The following CTNNA2 variants were observed in gnomAD, a reference collection of about 807,000 sequenced individuals.
CTNNA2 encodes the protein catenin alpha 2, also known as catenin alpha-2.
Under a neutral mutation model 101.0 loss-of-function variants are expected in CTNNA2, and 42 were observed. The ratio of observed to expected loss-of-function variants is 0.42; its 90% CI spans 0.32 to 0.54. The LOEUF is 0.54. Ranked by LOEUF, CTNNA2 falls within the 20% of genes least tolerant of loss-of-function variation. CTNNA2 has a pLI of 0.14. For synonymous variants in CTNNA2, 450 were observed against 456.4 expected, an observed-to-expected ratio of 0.99 and a Z score of 0.18; for missense variants, 871 against 1,223.1, an observed-to-expected ratio of 0.71 and a Z score of 4.29.
intron 3 of CTNNA2, among the ~76,000 whole-genome samples, chr2:79,853,937 G>A (rs1038298529): frequency 7.2e-6 from 1 of 139,676 alleles, no homozygotes; most frequent in African/African-American, 2.6e-5. Context: ...CAAAGTGCTG[G>A]GATTACAGGT....
intron 7 of CTNNA2, among the ~76,000 whole-genome samples, chr2:80,389,062 T>C (rs1244611132): frequency 6.6e-6 from 1 of 152,184 alleles, no homozygotes; most frequent in African/African-American, 2.4e-5. Context: ...GGGATACCAG[T>C]TTTTGGCAAG....
At chr2:79,626,471 A>C (rs532493061) in intron 1 of CTNNA2, among the ~76,000 whole-genome samples, 1 of 152,320 alleles carries the variant, frequency 6.6e-6, no homozygotes, top group East Asian at 1.9e-4. Context: ...CTCTGATAGT[A>C]AAGCCTTTCC....
At chr2:80,359,175 A>G (rs1330634871) in intron 7 of CTNNA2, among the ~76,000 whole-genome samples, 4 of 152,152 alleles carry the variant, frequency 2.6e-5, no homozygotes, top group Non-Finnish European at 5.9e-5. Context: ...CAGGAGTTCA[A>G]GACCAGCCTG....
intron 2 of CTNNA2, among the ~76,000 whole-genome samples, chr2:79,665,023 T>C (rs998915201): frequency 2.6e-5 from 4 of 152,162 alleles, no homozygotes; most frequent in African/African-American, 9.7e-5. Flanking sequence ...CATTCTTCTT[T>C]AAGATTTTTC....
At chr2:79,938,017 A>G (rs1284378064) in intron 7 of CTNNA2, among the ~76,000 whole-genome samples, 1 of 152,148 alleles carries the variant, frequency 6.6e-6, no homozygotes, top group Non-Finnish European at 1.5e-5. Context: ...CTCAGATTTG[A>G]TTGGTATGAC....
chr2:79,650,633 A>T (rs1304001734), intron 1 of CTNNA2, among the ~76,000 whole-genome samples: 35 of 146,436 alleles, frequency 2.4e-4, no homozygotes, highest in South Asian at 2.2e-3. Context: ...TTTTTTTTTT[A>T]AATGTATTTA....
In CTNNA2 at chr2:80,419,500, G is replaced by T. The variant is rs1382927367; in HGVS notation, c.1189G>T (p.Val397Phe). ...ATCTGACTCTTTCCTGGAAACCAAT[G>T]TTCCTTTGCTAGTTCTCATTGAGGC... The part of the protein sequence containing the change: ...HISDSFLETN[V>F]PLLVLIEAAK... The change falls in exon 9 of 19, where the codon GTT (valine) becomes TTT (phenylalanine). Residue 397 changes from valine (V) to phenylalanine (F), a missense_variant. Physicochemically the swap from Val to Phe is conservative, Grantham distance 50. Coordinates refer to ENST00000402739, the MANE Select transcript of CTNNA2 (RefSeq NM_001282597.3). 6.2e-7 allele frequency: 1 copy of T among 1,613,530 alleles called. No homozygotes were observed. Among genetic ancestry groups the T allele is most frequent in the South Asian group, 1.1e-5 (1 of 91,048 alleles).
At chr2:79,938,070 C>T (rs969827560) in intron 7 of CTNNA2, among the ~76,000 whole-genome samples, 1 of 152,088 alleles carries the variant, frequency 6.6e-6, no homozygotes, top group Non-Finnish European at 1.5e-5. Flanking sequence ...TTAGAAAACA[C>T]ATGGAAAAAA....
At chr2:80,555,915 G>C (rs1692990489) in intron 12 of CTNNA2, 22 bp downstream of exon 12, 1 of 1,412,476 alleles carries the variant, frequency 7.1e-7, no homozygotes, top group African/African-American at 1.5e-5. Flanking sequence ...TATTGGGTCT[G>C]GCCAAAATGT....
At chr2:79,756,958 A>G (rs1432722462) in intron 3 of CTNNA2, among the ~76,000 whole-genome samples, 1 of 152,226 alleles carries the variant, frequency 6.6e-6, no homozygotes, top group African/African-American at 2.4e-5. Flanking sequence ...GATCTCATTC[A>G]TTCAGATGCA....
intron 7 of CTNNA2, among the ~76,000 whole-genome samples, chr2:80,044,604 A>AACTTCCCTACAGATTGATGTACCCCC (rs1696393100): frequency 6.6e-6 from 1 of 152,026 alleles, no homozygotes; most frequent in African/African-American, 2.4e-5. Flanking sequence ...TGCATTCCCC[A>AACTTCCCTACAGATTGATGTACCCCC]ACTTCCCTAC....
chr2:79,221,726 TG>T (rs1674347792), intron 2 of CTNNA2, among the ~76,000 whole-genome samples: 1 of 152,034 alleles, frequency 6.6e-6, no homozygotes, highest in African/African-American at 2.4e-5. Context: ...CTCTAAGACT[TG>T]GTATTAGAGA....
intron 12 of CTNNA2, among the ~76,000 whole-genome samples, chr2:80,562,412 C>A (rs574014867): frequency 1.3e-5 from 2 of 152,084 alleles, no homozygotes; most frequent in Non-Finnish European, 2.9e-5. Context: ...TTAAAAACTA[C>A]GCTGAGAAAC....
intron 7 of CTNNA2, among the ~76,000 whole-genome samples, chr2:79,973,805 A>C (rs615415): frequency 0.71 from 108,185 of 151,544 alleles, 39,476 homozygotes; most frequent in Non-Finnish European, 0.8. Flanking sequence ...CCAAGGGCGA[A>C]ACCAGTGTAA....
intron 7 of CTNNA2, among the ~76,000 whole-genome samples, chr2:80,265,949 G>C (rs1225305815): frequency 1.3e-5 from 2 of 152,154 alleles, no homozygotes; most frequent in Non-Finnish European, 2.9e-5. Flanking sequence ...AGCTGATTCT[G>C]GTGGCCATTT....
chr2:79,750,160 G>T (rs898456061), intron 3 of CTNNA2, among the ~76,000 whole-genome samples: 3 of 152,170 alleles, frequency 2.0e-5, no homozygotes, highest in Non-Finnish European at 4.4e-5. Context: ...TGAAGCTCTG[G>T]ACCAAGGAAA....
intron 7 of CTNNA2, among the ~76,000 whole-genome samples, chr2:80,272,903 T>C (rs994873426): frequency 1.3e-5 from 2 of 152,302 alleles, no homozygotes; most frequent in African/African-American, 4.8e-5. Flanking sequence ...TCTGAAGGCA[T>C]AATTTTGATT....
At chr2:80,217,733 C>T (rs902867612) in intron 7 of CTNNA2, among the ~76,000 whole-genome samples, 1 of 152,090 alleles carries the variant, frequency 6.6e-6, no homozygotes, top group African/African-American at 2.4e-5. Context: ...TTGTTTTCCC[C>T]AAAGTGAAAT....
chr2:79,253,381 C>T lies in CTNNA2; in HGVS notation c.-406+55305C>T, dbSNP rs74879512. ...AATTCTACTAATTAGCATGGACAAA[C>T]AAGAAATAGATGTGCAGGGAAAGGC... On this transcript the variant is annotated intron_variant, in intron 2 of 21. Coordinates refer to the CTNNA2 transcript ENST00000466387. Among the ~76,000 whole-genome samples, 294 of 152,286 alleles carry T rather than the reference C, an allele frequency of 1.9e-3. 10 individuals are homozygous for T. In the East Asian group the frequency reaches 0.05, roughly 26 times the overall value.
Sources: allele counts gnomAD v4.1 joint callset (sites outside exome capture counted in the v4.1 genomes callset), GRCh38; gene constraint gnomAD v4.1.1; transcripts MANE v1.5; gene names NCBI Gene and HGNC (gene_info 2026-07-23, HGNC 2026-07-21).